Variants in AHR observed in about 807,000 individuals in gnomAD.
The protein encoded by AHR is aryl hydrocarbon receptor, also known as AH-receptor.
Under a neutral mutation model 86.8 loss-of-function variants are expected in AHR, and 40 were observed. The observed-to-expected ratio is 0.46, with a 90% CI of 0.36 to 0.60. AHR has a LOEUF of 0.60. AHR is among the 20% of genes least tolerant of loss of function. The pLI is 0.00. For missense variants in AHR, 1,001 were observed against 1,011.6 expected (o/e 0.99, Z 0.14); for synonymous variants, 398 against 354.9 (o/e 1.12, Z -1.37).
intron 7 of AHR, 40 bp downstream of exon 7, chr7:17,334,154 A>T: frequency 6.5e-7 from 1 of 1,527,004 alleles, no homozygotes; most frequent in African/African-American, 1.4e-5. Flanking sequence ...TTGGATGTAC[A>T]TTATGTTTCA....
At chr7:17,321,585 C>CCACACACACA (rs769254475) in intron 2 of AHR, among the ~76,000 whole-genome samples, 6 of 69,678 alleles carry the variant, frequency 8.6e-5, no homozygotes, top group South Asian at 4.6e-4. Context: ...TACATACATA[C>CCACACACACA]CACACACATA....
intron 8 of AHR, 122 bp from the exon 9 acceptor site, chr7:17,335,523 T>C: frequency 2.5e-6 from 2 of 788,578 alleles, no homozygotes; most frequent in African/African-American, 1.8e-5. Context: ...TGTTTAAAAT[T>C]TATTGTCTTT....
rs369830118 is a variant in AHR at position 17,316,802 on chromosome 7, A to G, written c.254-5699A>G. ...AATTTCTGTGTTATGGAGACATTTC[A>G]TCTCTTTATCTCAGCATGGTAGAGG... On this transcript the variant is annotated intron_variant, in intron 2 of 10. Transcript: ENST00000242057. 3.9e-5 allele frequency among the ~76,000 whole-genome samples: 6 copies of G among 152,164 alleles called. No individual in the cohort carries two copies. The East Asian group carries it at 1.2e-3, about 29-fold the overall frequency.
intron 3 of AHR, among the ~76,000 whole-genome samples, chr7:17,324,659 G>C (rs1434459211): frequency 6.6e-6 from 1 of 152,084 alleles, no homozygotes; most frequent in Non-Finnish European, 1.5e-5. Flanking sequence ...AAAATTAGCT[G>C]GGTGTGGTGG....
intron 1 of AHR, among the ~76,000 whole-genome samples, chr7:17,304,930 A>G (rs1447390721): frequency 6.6e-6 from 1 of 152,098 alleles, no homozygotes; most frequent in Admixed American, 6.6e-5. Flanking sequence ...TTTGCGTAGA[A>G]GAAGGGGGAG....
At chr7:17,310,436 T>TA (rs1293020880) in intron 2 of AHR, among the ~76,000 whole-genome samples, 8 of 151,162 alleles carry the variant, frequency 5.3e-5, no homozygotes, top group Non-Finnish European at 7.4e-5. Context: ...AAGTCTTTTT[T>TA]AAAAAAAAAG....
intron 2 of AHR, among the ~76,000 whole-genome samples, chr7:17,313,703 T>C (rs1422286667): frequency 6.6e-6 from 1 of 152,184 alleles, no homozygotes; most frequent in Non-Finnish European, 1.5e-5. Context: ...TTTTCAGTTA[T>C]AAAGTCGAAA....
intron 10 of AHR, among the ~76,000 whole-genome samples, chr7:17,340,542 A>G (rs1471568004): frequency 5.9e-5 from 9 of 152,218 alleles, no homozygotes; most frequent in East Asian, 5.8e-4. Flanking sequence ...TTTGTTTAAA[A>G]TAGATAATTT....
At chr7:17,307,231 ACT>A (rs10533981) in intron 1 of AHR, among the ~76,000 whole-genome samples, 2,260 of 151,938 alleles carry the variant, frequency 0.015, 25 homozygotes, top group Non-Finnish European at 0.019. Context: ...CGTTTGTGTC[ACT>A]CTCTTCTCTC....
rs750203676 is a variant in AHR at position 17,339,166 on chromosome 7, C to T, written c.1341C>T (p.Ser447=). The T allele has an allele frequency of 3.1e-6, 5 of 1,614,054 alleles. No individual in the cohort carries two copies. In the South Asian group the frequency reaches 5.5e-5, roughly 18 times the overall value. ...ACTCTGCTACCACATCCACTCTAAGCAAGGACTCTCTCAATCCTAGTTCCC... is the reference window on the plus strand; with the variant it reads ...ACTCTGCTACCACATCCACTCTAAGTAAGGACTCTCTCAATCCTAGTTCCC... ...GKDSATTSTL[S]KDSLNPSSLL... Residue 447 remains serine, a synonymous_variant, in exon 10 of 11, where the codon AGC becomes AGT. Coordinates refer to ENST00000242057, the MANE Select transcript of AHR (RefSeq NM_001621.5).
chr7:17,341,396 A>G (rs1431163902), intron 10 of AHR, among the ~76,000 whole-genome samples: 1 of 152,218 alleles, frequency 6.6e-6, no homozygotes, highest in East Asian at 1.9e-4. Context: ...CAAATTGTAC[A>G]GAAGTTAATT....
At chr7:17,317,626 C>A (rs1782129453) in intron 2 of AHR, among the ~76,000 whole-genome samples, 1 of 152,062 alleles carries the variant, frequency 6.6e-6, no homozygotes, top group African/African-American at 2.4e-5. Context: ...AAGAATGGCA[C>A]CTCATTCTCA....
intron 3 of AHR, among the ~76,000 whole-genome samples, chr7:17,327,210 A>G (rs1429677578): frequency 6.6e-6 from 1 of 152,076 alleles, no homozygotes; most frequent in Non-Finnish European, 1.5e-5. Flanking sequence ...GACTAAATTC[A>G]CTGTATGCTT....
chr7:17,300,398 A>G (rs1180357429), intron 1 of AHR, among the ~76,000 whole-genome samples: 3 of 152,240 alleles, frequency 2.0e-5, no homozygotes, highest in African/African-American at 7.2e-5. Context: ...CATTTTGCTT[A>G]GACTCCAACT....
In AHR at chr7:17,298,668, C is replaced by G. The variant is rs566313952; in HGVS notation, c.-597C>G. 2.3e-5 allele frequency: 9 copies of G among 394,650 alleles called. No homozygotes were observed. The highest frequency in any genetic ancestry group is 4.0e-5 in the Non-Finnish European group (9 of 224,132). The allele number at this position is 394,650 out of a possible 1,614,324, so 24.4% of individuals were successfully genotyped here. ...GCGGGAGGCAGTGGCTGGGGAGTCC[C>G]GTCGACGCTCTGTTCCGAGAGCGTG... On this transcript the variant is annotated 5_prime_UTR_variant, in exon 1 of 11. Coordinates refer to ENST00000242057, the MANE Select transcript of AHR (RefSeq NM_001621.5).
intron 7 of AHR, 139 bp downstream of exon 7, chr7:17,334,253 C>T: frequency 2.7e-6 from 2 of 732,778 alleles, no homozygotes; most frequent in Non-Finnish European, 4.3e-6. Flanking sequence ...TCCAGTGTAG[C>T]CTTTTACAGT....
chr7:17,299,221 G>T lies in AHR; in HGVS notation c.-44G>T, dbSNP rs1781926573. On this transcript the variant is annotated 5_prime_UTR_variant, in exon 1 of 11. Transcript: ENST00000242057. Reference sequence around the variant, plus strand: ...GCCTACACCGGGTTCCGGGGACCCGGCCGCCAGTGCCCGGGGAGTAGCCGC... The same window carrying T: ...GCCTACACCGGGTTCCGGGGACCCGTCCGCCAGTGCCCGGGGAGTAGCCGC... The T allele has an allele frequency of 1.3e-6, 2 of 1,598,854 alleles. No homozygotes were observed. The highest frequency in any genetic ancestry group is 8.5e-7 in the Non-Finnish European group (1 of 1,175,052).
In AHR at chr7:17,299,169, C is replaced by T; in HGVS notation, c.-96C>T. The T allele has an allele frequency of 4.4e-6, 6 of 1,378,730 alleles. 1 individual carries two copies. In the South Asian group the frequency reaches 8.7e-5, roughly 20 times the overall value. 85.4% of individuals were successfully genotyped at this position (1,378,730 alleles called of 1,614,324 possible). On this transcript the variant is annotated 5_prime_UTR_variant, in exon 1 of 11. Transcript: ENST00000242057. The stretch of plus-strand genomic sequence containing the variant: ...TGGAGCGGGCGCGGCTTCGCGGAAC[C>T]CGGCGCCGGCCGCCGCAGTGGTCCC...
chr7:17,323,595 A>G (rs1350982090), intron 3 of AHR, among the ~76,000 whole-genome samples: 1 of 152,132 alleles, frequency 6.6e-6, no homozygotes, highest in East Asian at 1.9e-4. Flanking sequence ...TATCAGTTTC[A>G]CCCACTGAAC....
Sources: allele counts gnomAD v4.1 joint callset (sites outside exome capture counted in the v4.1 genomes callset), GRCh38; gene constraint gnomAD v4.1.1; transcripts MANE v1.5; gene names NCBI Gene and HGNC (gene_info 2026-07-23, HGNC 2026-07-21).